ERBB4: variants seen among roughly 807,000 people sequenced by gnomAD.
ERBB4 encodes erb-b2 receptor tyrosine kinase 4.
Under a neutral mutation model 158.0 loss-of-function variants are expected in ERBB4, and 42 were observed. The ratio of observed to expected loss-of-function variants is 0.27; its 90% confidence interval spans 0.21 to 0.34. The LOEUF is 0.34. Among genes scored for constraint, ERBB4 ranks in the 10% least tolerant of loss-of-function variants. The pLI, the probability that ERBB4 is intolerant of heterozygous loss-of-function variation, is 1.00. For missense variants in ERBB4, 1,333 were observed against 1,624.1 expected, an observed-to-expected ratio of 0.82 and a Z score of 3.08; for synonymous variants, 583 against 558.7, an observed-to-expected ratio of 1.04 and a Z score of -0.61.
intron 3 of ERBB4, among the ~76,000 whole-genome samples, chr2:211,868,820 T>C (rs965055313): frequency 2.6e-5 from 4 of 152,192 alleles, no homozygotes; most frequent in Non-Finnish European, 4.4e-5. Flanking sequence ...CTCAATATTT[T>C]TCTGACTCAA....
At chr2:212,223,983 C>T (rs1429729866) in intron 1 of ERBB4, among the ~76,000 whole-genome samples, 2 of 151,706 alleles carry the variant, frequency 1.3e-5, no homozygotes, top group Non-Finnish European at 2.9e-5. Flanking sequence ...TAATAGATTG[C>T]AAAATTTCTG....
At chr2:212,163,580 A>C (rs1214856463) in intron 1 of ERBB4, among the ~76,000 whole-genome samples, 2 of 151,820 alleles carry the variant, frequency 1.3e-5, no homozygotes, top group Non-Finnish European at 2.9e-5. Flanking sequence ...ATAATGAATA[A>C]TTTTTACTGA....
At chr2:211,620,749 T>C (rs2069569984) in intron 18 of ERBB4, among the ~76,000 whole-genome samples, 3 of 152,280 alleles carry the variant, frequency 2.0e-5, no homozygotes. Context: ...CATTATTCAA[T>C]AAAGTAACCA....
intron 3 of ERBB4, among the ~76,000 whole-genome samples, chr2:211,921,344 G>A (rs1296191922): frequency 1.3e-5 from 2 of 151,988 alleles, no homozygotes; most frequent in African/African-American, 2.4e-5. Flanking sequence ...GATCTGAGAT[G>A]TACCAGCTAT....
chr2:212,320,802 C>T (rs1044277443), intron 1 of ERBB4, among the ~76,000 whole-genome samples: 1 of 150,124 alleles, frequency 6.7e-6, no homozygotes, highest in Non-Finnish European at 1.5e-5. Flanking sequence ...ATAACCTCCC[C>T]GTGTTGTTGT....
chr2:211,641,103 T>C (rs2070568298), intron 16 of ERBB4, among the ~76,000 whole-genome samples: 1 of 152,150 alleles, frequency 6.6e-6, no homozygotes, highest in Non-Finnish European at 1.5e-5. Context: ...CCCATACCTG[T>C]TGATTTTATT....
At chr2:211,776,876 G>A (rs60490270) in intron 4 of ERBB4, among the ~76,000 whole-genome samples, 21,234 of 152,112 alleles carry the variant, frequency 0.14, 1,678 homozygotes, top group South Asian at 0.33. Context: ...TTATTATACA[G>A]AATGGAGGGT....
chr2:212,127,579 G>A (rs1009981468), intron 1 of ERBB4, among the ~76,000 whole-genome samples: 18 of 152,122 alleles, frequency 1.2e-4, no homozygotes, highest in Non-Finnish European at 2.1e-4. Context: ...GCAACAGAGC[G>A]AGACTCCATC....
At chr2:211,475,633 T>C (rs2064935743) in intron 20 of ERBB4, among the ~76,000 whole-genome samples, 1 of 152,056 alleles carries the variant, frequency 6.6e-6, no homozygotes, top group Non-Finnish European at 1.5e-5. Context: ...AATGCTACAG[T>C]CTTAATTTTG....
intron 2 of ERBB4, among the ~76,000 whole-genome samples, chr2:212,044,526 A>AT (rs977489202): frequency 2.0e-5 from 3 of 151,970 alleles, no homozygotes; most frequent in African/African-American, 7.2e-5. Context: ...AATGGTTTCT[A>AT]TTTTTTTCTC....
intron 3 of ERBB4, among the ~76,000 whole-genome samples, chr2:211,920,752 A>G (rs2079837908): frequency 6.6e-6 from 1 of 150,520 alleles, no homozygotes; most frequent in Admixed American, 6.6e-5. Context: ...GTAATTTTGA[A>G]CTGACTTAAG....
chr2:212,005,209 TGA>T (rs1251128179), intron 2 of ERBB4, among the ~76,000 whole-genome samples: 1 of 152,086 alleles, frequency 6.6e-6, no homozygotes, highest in Non-Finnish European at 1.5e-5. Context: ...TCCCATTGAG[TGA>T]GAGTCACTCC....
intron 1 of ERBB4, among the ~76,000 whole-genome samples, chr2:212,445,070 G>A (rs1331077371): frequency 6.6e-6 from 1 of 151,988 alleles, no homozygotes; most frequent in Non-Finnish European, 1.5e-5. Flanking sequence ...GTGGCAGTGG[G>A]CTCATGCTCA....
intron 3 of ERBB4, among the ~76,000 whole-genome samples, chr2:211,912,372 T>C (rs77148840): frequency 4.0e-5 from 6 of 151,884 alleles, no homozygotes; most frequent in Admixed American, 2.0e-4. Flanking sequence ...CAAGAGTAAA[T>C]TTCAAATGTT....
intron 3 of ERBB4, among the ~76,000 whole-genome samples, chr2:211,875,096 GTT>G (rs71054147): frequency 1.5e-5 from 2 of 129,404 alleles, no homozygotes; most frequent in African/African-American, 5.8e-5. Context: ...TGCAGATAAC[GTT>G]TTTTTTTTTC....
chr2:211,730,885 TG>T (rs1194457086), intron 5 of ERBB4, among the ~76,000 whole-genome samples: 1 of 151,948 alleles, frequency 6.6e-6, no homozygotes. Flanking sequence ...ATGGGAGAAA[TG>T]GGAGAAAAAA....
intron 1 of ERBB4, among the ~76,000 whole-genome samples, chr2:212,334,573 T>C (rs1392218315): frequency 6.6e-6 from 1 of 152,010 alleles, no homozygotes; most frequent in African/African-American, 2.4e-5. Context: ...ATAGAATTTA[T>C]TTTAGCACTC....
chr2:212,109,549 C>T (rs1053546730), intron 2 of ERBB4, among the ~76,000 whole-genome samples: 2 of 152,190 alleles, frequency 1.3e-5, no homozygotes, highest in Non-Finnish European at 1.5e-5. Flanking sequence ...TATAGACACA[C>T]TCTAGTCAGT....
intron 19 of ERBB4, among the ~76,000 whole-genome samples, 186 bp downstream of exon 19, chr2:211,618,991 G>C (rs2069493529): frequency 6.6e-6 from 1 of 152,068 alleles, no homozygotes; most frequent in Non-Finnish European, 1.5e-5. Flanking sequence ...CAGTTGTGAA[G>C]CAAAAGTGAT....
Sources: allele counts gnomAD v4.1 joint callset (sites outside exome capture counted in the v4.1 genomes callset), GRCh38; gene constraint gnomAD v4.1.1; transcripts MANE v1.5; gene names NCBI Gene and HGNC (gene_info 2026-07-23, HGNC 2026-07-21).